Variants in ABLIM2 observed in about 807,000 individuals in gnomAD.
ABLIM2 encodes the protein actin binding LIM protein family member 2.
ABLIM2 carries 53 observed loss-of-function variants against 97.7 expected under a neutral mutation model. The ratio of observed to expected loss-of-function variants is 0.54; its 90% confidence interval spans 0.44 to 0.68. ABLIM2 has a LOEUF of 0.68. ABLIM2 is among the 30% of genes least tolerant of loss of function. The probability of loss-of-function intolerance (pLI) is 0.00; values close to 1 mark genes in which losing one functional copy is unlikely to be tolerated. For missense variants in ABLIM2, 835 were observed against 867.2 expected, an observed-to-expected ratio of 0.96 and a Z score of 0.47; for synonymous variants, 361 against 345.8, an observed-to-expected ratio of 1.04 and a Z score of -0.49.
intron 6 of ABLIM2, among the ~76,000 whole-genome samples, chr4:8,064,803 T>G (rs150628714): frequency 1.3e-5 from 2 of 152,322 alleles, no homozygotes; most frequent in African/African-American, 4.8e-5. Flanking sequence ...GTTCTCTTTC[T>G]TGACTCGGTA....
chr4:8,049,738 A>AT (rs1392614153), intron 8 of ABLIM2, among the ~76,000 whole-genome samples: 6 of 151,698 alleles, frequency 4.0e-5, no homozygotes, highest in African/African-American at 9.7e-5. Context: ...ATTTTATTTT[A>AT]TTTTTTTTGA....
intron 11 of ABLIM2, among the ~76,000 whole-genome samples, chr4:8,028,274 A>G (rs1218109945): frequency 6.6e-6 from 1 of 152,194 alleles, no homozygotes; most frequent in South Asian, 2.1e-4. Context: ...GGCCAAGCGC[A>G]GTCAACAAGC....
chr4:8,009,456 G>C (rs1396981497), intron 14 of ABLIM2, among the ~76,000 whole-genome samples: 2 of 152,286 alleles, frequency 1.3e-5, no homozygotes, highest in East Asian at 3.9e-4. Context: ...GAGTGCCATG[G>C]TGTGATCTCG....
chr4:7,987,751 G>T (rs956857279), intron 17 of ABLIM2, among the ~76,000 whole-genome samples: 1 of 152,166 alleles, frequency 6.6e-6, no homozygotes, highest in Non-Finnish European at 1.5e-5. Flanking sequence ...TGGAGAAGGG[G>T]GAATACTTTT....
chr4:8,158,362 G>A (rs1288607096), intron 1 of ABLIM2, among the ~76,000 whole-genome samples: 2 of 152,138 alleles, frequency 1.3e-5, no homozygotes, highest in African/African-American at 2.4e-5. Context: ...GACCCTGACC[G>A]CTTTCTGCAG....
chr4:8,073,416 C>T (rs376859066), intron 6 of ABLIM2, among the ~76,000 whole-genome samples: 3 of 151,774 alleles, frequency 2.0e-5, no homozygotes, highest in African/African-American at 7.3e-5. Context: ...TCGCGGAGAA[C>T]GGAAACGTGG....
chr4:8,030,909 T>A (rs529453100), intron 10 of ABLIM2, among the ~76,000 whole-genome samples: 1 of 152,310 alleles, frequency 6.6e-6, no homozygotes, highest in East Asian at 1.9e-4. Flanking sequence ...AGGTGGGCCA[T>A]GTTCTTCCAG....
chr4:8,005,078 G>A lies in ABLIM2; in HGVS notation c.1618+2981C>T, dbSNP rs530851234. 3.7e-4 allele frequency among the ~76,000 whole-genome samples: 57 copies of A among 152,364 alleles called. No homozygotes were observed. The highest frequency in any genetic ancestry group is 1.3e-3 in the African/African-American group (54 of 41,592). The stretch of plus-strand genomic sequence containing the variant: ...AGGGATGGATGAATGACTGAATGAT[G>A]AACTCAGTCCCGGGTGAGATGTGCA... On this transcript the variant is annotated intron_variant, in intron 16 of 20. Transcript: ENST00000447017. The surrounding 1 kb of genome is among the most constrained non-coding windows in gnomAD (Gnocchi z 4.9).
At chr4:8,142,132 C>T (rs1424786923) in intron 1 of ABLIM2, among the ~76,000 whole-genome samples, 1 of 152,208 alleles carries the variant, frequency 6.6e-6, no homozygotes, top group East Asian at 1.9e-4. Flanking sequence ...GGGTTCTATT[C>T]CTGGCATAAC....
Position 8,088,302 on chromosome 4 carries a change from G to T in ABLIM2, c.339-18C>A, listed in dbSNP as rs531689560. 1 of 1,603,484 alleles carries T rather than the reference G, an allele frequency of 6.2e-7. No homozygotes were observed. Among genetic ancestry groups the T allele is most frequent in the South Asian group, 1.1e-5 (1 of 89,684 alleles). ...AGGGCAGCCTGAAACAAGAGAGCTC[G>T]TTACCAGCCAGGCCCACCTTCTGGC... is the stretch of plus-strand genomic sequence containing the variant. On this transcript the variant is annotated intron_variant, in intron 3 of 20. Coordinates refer to ENST00000447017, the MANE Select transcript of ABLIM2 (RefSeq NM_001130083.2).
chr4:8,142,706 C>T (rs55880416), intron 1 of ABLIM2, among the ~76,000 whole-genome samples: 34,760 of 152,196 alleles, frequency 0.23, 4,111 homozygotes, highest in South Asian at 0.28. Context: ...CCTGAATCAG[C>T]GGCCTTGCCC....
rs551315603 is a variant in ABLIM2 at position 8,124,938 on chromosome 4, C to T, written c.11-18301G>A. On this transcript the variant is annotated intron_variant, in intron 1 of 20. Coordinates refer to ENST00000447017, the MANE Select transcript of ABLIM2 (RefSeq NM_001130083.2). This position sits in a 1 kb window ranked among gnomAD's most constrained non-coding sequence, Gnocchi z 6.1. ...TTCTAGCGGATCTGTAATCGCGTCTCACTGGGATTCTGATGTGCCGTTCCC... is the reference window on the plus strand; with the variant it reads ...TTCTAGCGGATCTGTAATCGCGTCTTACTGGGATTCTGATGTGCCGTTCCC... Among the ~76,000 whole-genome samples, 10 of 152,314 alleles carry T rather than the reference C, an allele frequency of 6.6e-5. No individual in the cohort carries two copies. The highest frequency in any genetic ancestry group is 2.2e-4 in the African/African-American group (9 of 41,568).
Position 8,065,184 on chromosome 4 carries a change from C to T in ABLIM2, c.676-4130G>A, listed in dbSNP as rs117732036. Among the ~76,000 whole-genome samples, 378 of 152,236 alleles carry T rather than the reference C, an allele frequency of 2.5e-3. 7 individuals carry two copies. In the East Asian group the frequency reaches 0.065, roughly 26 times the overall value. Reference sequence around the variant, plus strand: ...GGAGGATACTTTGAGCTCAGGAGCTCTAAGTTACAGTGAGCTCTGATCATG... The same window carrying T: ...GGAGGATACTTTGAGCTCAGGAGCTTTAAGTTACAGTGAGCTCTGATCATG... On this transcript the variant is annotated intron_variant, in intron 6 of 20. Coordinates refer to ENST00000447017, the MANE Select transcript of ABLIM2 (RefSeq NM_001130083.2).
Position 8,008,172 on chromosome 4 carries a change from C to T in ABLIM2, c.1505G>A (p.Gly502Glu), listed in dbSNP as rs1263892586. The T allele has an allele frequency of 6.8e-6, 11 of 1,613,672 alleles. No individual in the cohort carries two copies. The highest frequency in any genetic ancestry group is 4.4e-5 in the South Asian group (4 of 91,018). The stretch of plus-strand genomic sequence containing the variant: ...AGAATTGGTCCTTGTGTCTGCATCC[C>T]CCTTGAGCATCAGCCAGCTGCTCTT... ...KQKSSWLMLK[G>E]DADTRTNSPD... is the part of the protein sequence containing the mutation. Residue 502 changes from glycine to glutamate, a missense_variant, in exon 16 of 21, where the codon GGG (glycine) becomes GAG (glutamate). Transcript: ENST00000447017.
intron 7 of ABLIM2, among the ~76,000 whole-genome samples, chr4:8,057,930 C>T (rs1800399830): frequency 6.6e-6 from 1 of 152,246 alleles, no homozygotes; most frequent in Admixed American, 6.5e-5. Context: ...AGGCCTGTGC[C>T]AGGGAGCAGA....
At chr4:8,056,290 CTTCT>C (rs1187450644) in intron 7 of ABLIM2, among the ~76,000 whole-genome samples, 85 of 146,602 alleles carry the variant, frequency 5.8e-4, no homozygotes, top group Admixed American at 2.2e-3. Flanking sequence ...TACACAGTTT[CTTCT>C]TTCTTTCTTT....
Position 7,966,599 on chromosome 4 carries a change from T to G in ABLIM2, c.*391A>C. On this transcript the variant is annotated 3_prime_UTR_variant, in exon 21 of 21. Transcript: ENST00000447017. ...CCGATGATGGTGTCAGCAACCATCA[T>G]CAACAAGCCTCACAGCTCACGTCCC... 3 of 190,358 alleles carry G rather than the reference T, an allele frequency of 1.6e-5. No homozygotes were observed. The highest frequency in any genetic ancestry group is 2.3e-5 in the African/African-American group (1 of 43,246). 11.8% of individuals were successfully genotyped at this position (190,358 alleles called of 1,614,324 possible).
chr4:8,056,141 T>TAAAAAAA, intron 7 of ABLIM2, among the ~76,000 whole-genome samples: 1 of 84,374 alleles, frequency 1.2e-5, no homozygotes, highest in Non-Finnish European at 2.5e-5. Context: ...AAAAAAAAAG[T>TAAAAAAA]AACAGATGTC....
At chr4:8,038,459 A>C (rs970493501) in intron 9 of ABLIM2, among the ~76,000 whole-genome samples, 1 of 152,040 alleles carries the variant, frequency 6.6e-6, no homozygotes. Context: ...TGGCCCCCAA[A>C]CTTGGCCTTC....
Sources: gnomAD v4.1 joint callset for allele counts (sites outside exome capture counted in the v4.1 genomes callset) on GRCh38, gnomAD v4.1.1 for gene constraint, Gnocchi (gnomAD v3.1) non-coding constraint, MANE v1.5 for transcripts, NCBI Gene and HGNC (gene_info 2026-07-23, HGNC 2026-07-21) for gene names.